Variants in SMARCA4 observed in about 807,000 individuals in gnomAD.
The protein encoded by SMARCA4 is SWI/SNF-related matrix-associated actin-dependent regulator of chromatin subfamily A member 4.
In SMARCA4, 31 loss-of-function variants were observed where a neutral mutation model predicts 193.9. The observed-to-expected ratio is 0.16, with a 90% CI of 0.12 to 0.22. The LOEUF is 0.22. Among genes scored for constraint, SMARCA4 ranks in the 10% least tolerant of loss-of-function variants. The pLI is 1.00. For synonymous variants in SMARCA4, 942 were observed against 933.1 expected (o/e 1.01, Z -0.17); for missense variants, 1,148 against 2,296.0 (o/e 0.50, Z 10.22).
chr19:11,013,618 G>T (rs1035072322), intron 16 of SMARCA4, among the ~76,000 whole-genome samples: 16 of 152,140 alleles, frequency 1.1e-4, no homozygotes, highest in East Asian at 1.9e-4. Context: ...GAGGCCTGGG[G>T]TCCCTCTCCC....
Position 10,986,520 on chromosome 19 carries a change from A to ACCCGGC in SMARCA4, c.690_695dup (p.Gly243_Pro244dup). ...CTCCACCCTCGGTGTCCGCAACAGG[A>ACCCGGC]CCCGGCCCTGGCCCTGGCCCTGGCC... is the stretch of plus-strand genomic sequence containing the variant. On this transcript the variant is annotated inframe_insertion, in exon 4 of 35. Coordinates refer to ENST00000344626, the MANE Select transcript of SMARCA4 (RefSeq NM_003072.5). The surrounding 1 kb of genome is among the most constrained non-coding windows in gnomAD (Gnocchi z 6.7). The ACCCGGC allele has an allele frequency of 6.5e-7, 1 of 1,543,708 alleles. No homozygotes were observed. Among genetic ancestry groups the ACCCGGC allele is most frequent in the Non-Finnish European group, 8.7e-7 (1 of 1,146,724 alleles).
At chr19:11,061,684 T>G in intron 34 of SMARCA4, 100 bp from the exon 35 acceptor site, 1 of 1,168,194 alleles carries the variant, frequency 8.6e-7, no homozygotes, top group South Asian at 1.2e-5. Context: ...CCCACATCAG[T>G]GTTTTCTTGA....
At chr19:11,012,733 C>A in intron 15 of SMARCA4, 1 of 613,900 alleles carries the variant, frequency 1.6e-6, no homozygotes, top group Non-Finnish European at 3.0e-6. Flanking sequence ...TTCGCACAGT[C>A]ATCCTGCAGC....
intron 1 of SMARCA4, among the ~76,000 whole-genome samples, 190 bp from the exon 2 acceptor site, chr19:10,983,931 A>T (rs2085781633): frequency 6.6e-6 from 1 of 151,896 alleles, no homozygotes; most frequent in Non-Finnish European, 1.5e-5. Flanking sequence ...AGACTGACTG[A>T]TCTTGTGTGC....
chr19:10,984,059 G>A lies in SMARCA4; in HGVS notation c.-31-62G>A. On this transcript the variant is annotated intron_variant, in intron 1 of 34. Coordinates refer to ENST00000344626, the MANE Select transcript of SMARCA4 (RefSeq NM_003072.5). The surrounding 1 kb of genome is among the most constrained non-coding windows in gnomAD (Gnocchi z 4.3). The stretch of plus-strand genomic sequence containing the variant: ...TGATGTGACCGTATGATTGTCCCTT[G>A]CTATCCCTGTCCTGCCTCGCCCTTG... The A allele has an allele frequency of 7.6e-7, 1 of 1,307,700 alleles. No individual in the cohort carries two copies. The highest frequency in any genetic ancestry group is 1.2e-5 in the South Asian group (1 of 82,786). 81.0% of individuals were successfully genotyped at this position (1,307,700 alleles called of 1,614,324 possible). A position where few individuals can be genotyped will look rare whatever the true frequency, so the allele number is the denominator to read the frequency against.
rs541812596 is a variant in SMARCA4, at chr19:11,061,476, C to T, written c.4912-308C>T. On this transcript the variant is annotated intron_variant, in intron 34 of 34. Coordinates refer to ENST00000344626, the MANE Select transcript of SMARCA4 (RefSeq NM_003072.5). ...CTGCAAGCTCCACCCCCCGGGATCG[C>T]GCCATTCTCCTGCCTCAGCCTCCCA... Among the ~76,000 whole-genome samples, 12 of 152,052 alleles carry T rather than the reference C, an allele frequency of 7.9e-5. 1 individual carries two copies. Among genetic ancestry groups the T allele is most frequent in the South Asian group, 2.1e-4 (1 of 4,822 alleles).
chr19:11,028,664 C>T (rs1263598938), intron 24 of SMARCA4, among the ~76,000 whole-genome samples: 8 of 152,228 alleles, frequency 5.3e-5, no homozygotes, highest in Admixed American at 3.9e-4. Flanking sequence ...GAAAGGTCAC[C>T]GCCTGTGTTT....
chr19:11,017,013 C>T (rs548024976), intron 16 of SMARCA4, among the ~76,000 whole-genome samples: 4 of 152,166 alleles, frequency 2.6e-5, no homozygotes, highest in African/African-American at 7.2e-5. Context: ...GCTCCTGGGG[C>T]CCTCTCAGTG....
chr19:10,991,068 A>C (rs762422159), intron 7 of SMARCA4, 82 bp from the exon 8 acceptor site: 9 of 1,587,784 alleles, frequency 5.7e-6, no homozygotes, highest in Non-Finnish European at 7.7e-6. Context: ...GCGGTGAAGC[A>C]TGTGACATCA....
intron 30 of SMARCA4, among the ~76,000 whole-genome samples, chr19:11,046,971 A>G: frequency 6.7e-6 from 1 of 149,962 alleles, no homozygotes; most frequent in Admixed American, 6.6e-5. Flanking sequence ...AAAAAAAGCA[A>G]AAGAAAAGCT....
intron 34 of SMARCA4, chr19:11,060,440 A>C: frequency 1.7e-6 from 1 of 585,990 alleles, no homozygotes; most frequent in Non-Finnish European, 3.1e-6. Flanking sequence ...GGGACACGTG[A>C]GTCCTCAGGA....
At chr19:11,006,636 A>G (rs1360556458) in intron 13 of SMARCA4, among the ~76,000 whole-genome samples, 1 of 152,000 alleles carries the variant, frequency 6.6e-6, no homozygotes, top group Non-Finnish European at 1.5e-5. Context: ...TAAGATATTT[A>G]ATACCTAGGA....
chr19:11,035,890 C>T (rs963805644), intron 29 of SMARCA4, among the ~76,000 whole-genome samples: 15 of 152,192 alleles, frequency 9.9e-5, no homozygotes, highest in African/African-American at 2.7e-4. Context: ...GTTATAGAGA[C>T]GATGATTCAG....
In SMARCA4 at chr19:11,034,679, G is replaced by T. The variant is rs2146689465; in HGVS notation, c.3952-235G>T. Among the ~76,000 whole-genome samples the T allele has an allele frequency of 6.6e-6, 1 of 152,320 alleles. No homozygotes were observed. The highest frequency in any genetic ancestry group is 6.5e-5 in the Admixed American group (1 of 15,302). ...CTGCTGGGGTCTGCAGCCCTCTTGT[G>T]CAACCTTCCATCTTTTCGAGTTTCC... is the stretch of plus-strand genomic sequence containing the variant. On this transcript the variant is annotated intron_variant, in intron 28 of 34. Coordinates refer to ENST00000344626, the MANE Select transcript of SMARCA4 (RefSeq NM_003072.5). The surrounding 1 kb of genome is among the most constrained non-coding windows in gnomAD (Gnocchi z 7.0).
At chr19:11,008,183 T>C in intron 14 of SMARCA4, 160 bp downstream of exon 14, 1 of 705,808 alleles carries the variant, frequency 1.4e-6, no homozygotes, top group Non-Finnish European at 2.5e-6. Context: ...TCACATTTCA[T>C]GTATTTTATA....
At chr19:11,001,436 C>T (rs1310979732) in intron 11 of SMARCA4, among the ~76,000 whole-genome samples, 1 of 152,160 alleles carries the variant, frequency 6.6e-6, no homozygotes, top group African/African-American at 2.4e-5. Context: ...AACCATGGTA[C>T]TGAGCCCGTC....
At chr19:11,060,325 C>A in intron 34 of SMARCA4, 138 bp downstream of exon 34, 2 of 1,103,426 alleles carry the variant, frequency 1.8e-6, no homozygotes, top group Non-Finnish European at 1.3e-6. Context: ...CCTGCCATGG[C>A]TGACCCCAGG....
chr19:10,986,547 C>A lies in SMARCA4; in HGVS notation c.714C>A (p.Pro238=). ...CCGGCCCTGGCCCTGGCCCTGGCCC[C>A]GGCCCGGGTCCCGGCCCGGCACCTC... The part of the protein sequence containing the change: ...TGPGPGPGPG[P]GPGPGPAPPN... Residue 238 remains proline, a synonymous_variant, in exon 4 of 35, where the codon CCC becomes CCA. Transcript: ENST00000344626. This position sits in a 1 kb window ranked among gnomAD's most constrained non-coding sequence, Gnocchi z 6.7. 1 of 1,539,358 alleles carries A rather than the reference C, an allele frequency of 6.5e-7. No individual in the cohort carries two copies. The highest frequency in any genetic ancestry group is 8.7e-7 in the Non-Finnish European group (1 of 1,146,366).
Position 10,986,663 on chromosome 19 carries a change from A to G in SMARCA4, c.760+70A>G. 6.5e-7 allele frequency: 1 copy of G among 1,532,694 alleles called. No individual in the cohort carries two copies. Among genetic ancestry groups the G allele is most frequent in the Non-Finnish European group, 8.7e-7 (1 of 1,145,714 alleles). The allele number at this position is 1,532,694 out of a possible 1,614,324, so 94.9% of individuals were successfully genotyped here. A position where few individuals can be genotyped will look rare whatever the true frequency, so the allele number is the denominator to read the frequency against. On this transcript the variant is annotated intron_variant, in intron 4 of 34. Transcript: ENST00000344626. This position sits in a 1 kb window ranked among gnomAD's most constrained non-coding sequence, Gnocchi z 6.7. ...CTGGGGCGTGGGTGGCGGGGTGGACAGACCGTGCTCTGTTGCCGACTGGGT... is the reference window on the plus strand; with the variant it reads ...CTGGGGCGTGGGTGGCGGGGTGGACGGACCGTGCTCTGTTGCCGACTGGGT...
Sources: gnomAD v4.1 joint callset for allele counts (sites outside exome capture counted in the v4.1 genomes callset) on GRCh38, gnomAD v4.1.1 for gene constraint, Gnocchi (gnomAD v3.1) non-coding constraint, MANE v1.5 for transcripts, NCBI Gene and HGNC (gene_info 2026-07-23, HGNC 2026-07-21) for gene names.